The following CACNB2 variants were observed in gnomAD, a reference collection of about 807,000 sequenced individuals.
The protein encoded by CACNB2 is calcium voltage-gated channel auxiliary subunit beta 2.
Under a neutral mutation model 73.3 loss-of-function variants are expected in CACNB2, and 42 were observed. The observed-to-expected ratio is 0.57, with a 90% confidence interval of 0.45 to 0.74. The LOEUF is 0.74. CACNB2 is among the 30% of genes least tolerant of loss of function. The pLI is 0.00. For missense variants in CACNB2, 940 were observed against 853.0 expected, an observed-to-expected ratio of 1.10 and a Z score of -1.27; for synonymous variants, 348 against 310.3, an observed-to-expected ratio of 1.12 and a Z score of -1.28.
At chr10:18,266,256 A>G (rs1242870377) in intron 2 of CACNB2, among the ~76,000 whole-genome samples, 1 of 152,188 alleles carries the variant, frequency 6.6e-6, no homozygotes, top group Non-Finnish European at 1.5e-5. Flanking sequence ...AGGGAAGTAA[A>G]CTGTACTGCC....
intron 2 of CACNB2, chr10:18,206,793 C>T (rs2035114384): frequency 6.6e-6 from 1 of 152,140 alleles, no homozygotes; most frequent in Non-Finnish European, 1.5e-5. Context: ...CTCCATTTTT[C>T]GCTGGAAGGT....
intron 2 of CACNB2, 28 bp downstream of exon 2, chr10:18,151,003 T>C (rs2031504821): frequency 7.5e-7 from 1 of 1,333,246 alleles, no homozygotes; most frequent in Non-Finnish European, 1.1e-6. Flanking sequence ...ATGGTTTTGA[T>C]AAGTACCTTA....
intron 3 of CACNB2, among the ~76,000 whole-genome samples, chr10:18,406,755 T>A (rs1471434351): frequency 2.0e-5 from 3 of 152,042 alleles, no homozygotes; most frequent in Non-Finnish European, 4.4e-5. Context: ...CCCAAAACCA[T>A]CCCCAAACCC....
chr10:18,370,881 A>G (rs1170562085), intron 2 of CACNB2, among the ~76,000 whole-genome samples: 3 of 152,248 alleles, frequency 2.0e-5, no homozygotes, highest in Admixed American at 6.5e-5. Flanking sequence ...TTCAACATCT[A>G]TATCTCGATA....
intron 7 of CACNB2, 122 bp downstream of exon 7, chr10:18,514,491 T>G (rs2051081763): frequency 6.2e-7 from 1 of 1,614,114 alleles, no homozygotes; most frequent in Admixed American, 1.7e-5. Flanking sequence ...GTTATTTGTT[T>G]CTTTTCCATG....
intron 4 of CACNB2, chr10:18,498,863 A>C: frequency 1.7e-5 from 4 of 231,550 alleles, no homozygotes; most frequent in Non-Finnish European, 3.4e-5. Context: ...AGAATTCATG[A>C]CTCTTCTCTC....
At chr10:18,519,435 C>T (rs1453718076) in intron 9 of CACNB2, among the ~76,000 whole-genome samples, 2 of 152,190 alleles carry the variant, frequency 1.3e-5, no homozygotes, top group Non-Finnish European at 2.9e-5. Context: ...CCAGGCATTT[C>T]TACAACCCCG....
chr10:18,437,789 A>G (rs1220576746), intron 3 of CACNB2, among the ~76,000 whole-genome samples: 1 of 152,094 alleles, frequency 6.6e-6, no homozygotes, highest in Non-Finnish European at 1.5e-5. Context: ...ATCTCCTTCT[A>G]TTTGGGCATA....
intron 3 of CACNB2, among the ~76,000 whole-genome samples, chr10:18,481,192 CTATATATATATATATATA>C (rs145814788): frequency 0.044 from 1,617 of 36,674 alleles, 45 homozygotes; most frequent in Middle Eastern, 0.13. Flanking sequence ...TACATCTTCG[CTATATATATATATATATA>C]TATATATATA....
chr10:18,481,226 ATATATTTTTTTTTTTTTTTTTTTT>A (rs1290901516), intron 3 of CACNB2, among the ~76,000 whole-genome samples: 1 of 13,772 alleles, frequency 7.3e-5, no homozygotes, highest in Non-Finnish European at 1.3e-4. Flanking sequence ...ATATATATAT[ATATATTTTTTTTTTTTTTTTTTTT>A]TTTTTTTTTT....
chr10:18,402,024 C>A lies in CACNB2; in HGVS notation c.314C>A (p.Ala105Glu). The A allele has an allele frequency of 6.2e-7, 1 of 1,613,964 alleles. No homozygotes were observed. The highest frequency in any genetic ancestry group is 8.5e-7 in the Non-Finnish European group (1 of 1,179,968). ...VRREAERQAQ[A>E]QLEKAKTKPV... ...AGAGAAGCGGAGCGGCAGGCCCAGGCACAGTTGGAAAAAGCAAAGGTAAAA... is the reference window on the plus strand; with the variant it reads ...AGAGAAGCGGAGCGGCAGGCCCAGGAACAGTTGGAAAAAGCAAAGGTAAAA... The change falls in exon 3 of 14, where the codon GCA becomes GAA. Residue 105 changes from alanine (A) to glutamate (E), a missense_variant. Physicochemically the swap from Ala to Glu is moderately radical, Grantham distance 107. Transcript: ENST00000324631.
chr10:18,343,516 G>A (rs1263630158), intron 2 of CACNB2, among the ~76,000 whole-genome samples: 1 of 152,132 alleles, frequency 6.6e-6, no homozygotes, highest in Non-Finnish European at 1.5e-5. Context: ...AGATACTTGT[G>A]AGAATTTTTT....
At chr10:18,307,234 C>T (rs1051330692) in intron 2 of CACNB2, among the ~76,000 whole-genome samples, 16 of 152,124 alleles carry the variant, frequency 1.1e-4, no homozygotes, top group Admixed American at 2.0e-4. Context: ...GAGGCCATGG[C>T]GGGCAGATCA....
intron 2 of CACNB2, among the ~76,000 whole-genome samples, chr10:18,265,653 T>C (rs2037763824): frequency 6.6e-6 from 1 of 152,218 alleles, no homozygotes; most frequent in Non-Finnish European, 1.5e-5. Flanking sequence ...AATCATTTAC[T>C]TACCGTGTGA....
chr10:18,176,335 G>A (rs1588624636), intron 2 of CACNB2, among the ~76,000 whole-genome samples: 1 of 151,958 alleles, frequency 6.6e-6, no homozygotes, highest in South Asian at 2.1e-4. Context: ...TTAATGAGGA[G>A]GTAAAATGTG....
chr10:18,173,479 C>G (rs1176406368), intron 2 of CACNB2, among the ~76,000 whole-genome samples: 1 of 152,144 alleles, frequency 6.6e-6, no homozygotes, highest in East Asian at 1.9e-4. Flanking sequence ...CCAGGAAAAC[C>G]ACAGGTGAGA....
At chr10:18,273,718 T>C (rs1052834368) in intron 2 of CACNB2, among the ~76,000 whole-genome samples, 2 of 152,308 alleles carry the variant, frequency 1.3e-5, no homozygotes, top group Middle Eastern at 3.4e-3. Flanking sequence ...TAAGTAGTCA[T>C]GGCAAAAAGA....
intron 2 of CACNB2, among the ~76,000 whole-genome samples, chr10:18,338,930 G>C (rs964834481): frequency 6.6e-6 from 1 of 151,562 alleles, no homozygotes; most frequent in African/African-American, 2.4e-5. Flanking sequence ...TGCAGAGACG[G>C]GGTCTTCCTT....
At chr10:18,531,865 A>C (rs2053066533) in intron 10 of CACNB2, 1 of 152,036 alleles carries the variant, frequency 6.6e-6, no homozygotes, top group African/African-American at 2.4e-5. Flanking sequence ...TTTCAGTTTA[A>C]TTCAGTGGGT....
Sources: gnomAD v4.1 joint callset for allele counts (sites outside exome capture counted in the v4.1 genomes callset) on GRCh38, gnomAD v4.1.1 for gene constraint, MANE v1.5 for transcripts, NCBI Gene and HGNC (gene_info 2026-07-23, HGNC 2026-07-21) for gene names.